EIF1AX: variants seen among roughly 807,000 people sequenced by gnomAD.
EIF1AX encodes the protein eukaryotic translation initiation factor 1A X-linked.
EIF1AX carries 1 observed loss-of-function variant against 16.1 expected under a neutral mutation model. The observed-to-expected ratio is 0.06, with a 90% CI of 0.02 to 0.30. EIF1AX has a LOEUF of 0.30. EIF1AX is among the 10% of genes least tolerant of loss of function. The pLI, the probability that EIF1AX is intolerant of heterozygous loss-of-function variation, is 1.00. For missense variants in EIF1AX, 11 were observed against 109.1 expected (o/e 0.10, Z 4.00); for synonymous variants, 32 against 37.3 (o/e 0.86, Z 0.51).
intron 1 of EIF1AX, chrX:20,139,886 A>G (rs1295416765): frequency 1.8e-5 from 2 of 112,194 alleles, no homozygotes; most frequent in Non-Finnish European, 3.8e-5. Flanking sequence ...GTTCCCAGGT[A>G]TATCATGTTA....
intron 3 of EIF1AX, among the ~76,000 whole-genome samples, chrX:20,134,365 G>A (rs1469149089): frequency 1.9e-5 from 2 of 105,508 alleles, no homozygotes; most frequent in African/African-American, 7.0e-5. Flanking sequence ...TCCAGCCTGG[G>A]CAACAGAGTG....
chrX:20,132,709 G>T (rs1472462657), intron 4 of EIF1AX, among the ~76,000 whole-genome samples: 2 of 111,811 alleles, frequency 1.8e-5, no homozygotes, highest in Non-Finnish European at 3.8e-5. Flanking sequence ...CTTTGCCTAG[G>T]TATCAATCAC....
At chrX:20,141,285 C>T (rs2067033270) in intron 1 of EIF1AX, among the ~76,000 whole-genome samples, 1 of 111,777 alleles carries the variant, frequency 8.9e-6, no homozygotes, top group Non-Finnish European at 1.9e-5. Context: ...CCAAAGGGGC[C>T]TATCTACTAA....
At chrX:20,134,055 C>A (rs2148607840) in intron 3 of EIF1AX, 48 bp from the exon 4 acceptor site, 1 of 1,111,168 alleles carries the variant, frequency 9.0e-7, no homozygotes, top group Non-Finnish European at 1.2e-6. Context: ...AACGAAGAAT[C>A]AAGAAATTCC....
rs1028652091 is a variant in EIF1AX at position 20,141,801 on chromosome X, A to T, written c.-161T>A. ...AGAGGCTGGCGACCCAGCTCTTCAG[A>T]GATCCGCCTGCGTCCACGCTCGGCG... On this transcript the variant is annotated 5_prime_UTR_variant, in exon 1 of 7. Transcript: ENST00000379607. 2 of 497,490 alleles carry T rather than the reference A, an allele frequency of 4.0e-6. No individual in the cohort carries two copies. Among genetic ancestry groups the T allele is most frequent in the African/African-American group, 5.1e-5 (2 of 39,391 alleles). 41.0% of individuals were successfully genotyped at this position (497,490 alleles called of 1,213,427 possible).
At chrX:20,133,560 A>G (rs1232265873) in intron 4 of EIF1AX, among the ~76,000 whole-genome samples, 1 of 109,685 alleles carries the variant, frequency 9.1e-6, no homozygotes. Flanking sequence ...ACAAATAGAG[A>G]TAGTATCATA....
rs753293956 is a variant in EIF1AX at position 20,135,837 on chromosome X, A to G, written c.105T>C (p.Tyr35=). The G allele has an allele frequency of 3.4e-6, 4 of 1,192,991 alleles. No homozygotes were observed. In the East Asian group the frequency reaches 1.2e-4, roughly 35 times the overall value. ...ELVFKEDGQE[Y]AQVIKMLGNG... is the part of the protein sequence containing the mutation. ...TTCCCAACATTTTGATTACCTGAGC[A>G]TACTCTAGCGGGGAGAAAGGAAAAG... Residue 35 remains tyrosine, a synonymous_variant, in exon 3 of 7, where the codon TAT becomes TAC. Transcript: ENST00000379607.
At chrX:20,128,808 TGAG>T (rs1465704739) in intron 6 of EIF1AX, among the ~76,000 whole-genome samples, 1 of 111,985 alleles carries the variant, frequency 8.9e-6, no homozygotes, top group Non-Finnish European at 1.9e-5. Flanking sequence ...GGTCCAGTTC[TGAG>T]GAGGCGTTGG....
chrX:20,133,062 T>C (rs1009121826), intron 4 of EIF1AX, among the ~76,000 whole-genome samples: 2 of 111,616 alleles, frequency 1.8e-5, no homozygotes, highest in African/African-American at 3.3e-5. Context: ...TATCGAGCCA[T>C]TGACCACCCT....
At chrX:20,128,399 C>T (rs978960281) in intron 6 of EIF1AX, 88 bp from the exon 7 acceptor site, 5 of 783,292 alleles carry the variant, frequency 6.4e-6, no homozygotes, top group Non-Finnish European at 7.3e-6. Flanking sequence ...CTTTCACCTC[C>T]TTAGGCTATG....
chrX:20,132,085 C>A, intron 5 of EIF1AX, 97 bp downstream of exon 5: 1 of 621,298 alleles, frequency 1.6e-6, no homozygotes, highest in Admixed American at 3.1e-5. Context: ...AATGTGAGCA[C>A]TAAAGTAAAT....
rs368948088 is a variant in EIF1AX, at chrX:20,141,698, G to A, written c.-58C>T. On this transcript the variant is annotated 5_prime_UTR_variant, in exon 1 of 7. Transcript: ENST00000379607. ...TTCTTTCCGGGTAGCGGCGACCGCGGCGGCTGCTGCTCCGAGGGGCGACAC... is the reference window on the plus strand; with the variant it reads ...TTCTTTCCGGGTAGCGGCGACCGCGACGGCTGCTGCTCCGAGGGGCGACAC... 79 of 1,109,698 alleles carry A rather than the reference G, an allele frequency of 7.1e-5. 2 individuals carry two copies. The highest frequency in any genetic ancestry group is 6.9e-4 in the East Asian group (20 of 28,950). 91.5% of individuals were successfully genotyped at this position (1,109,698 alleles called of 1,213,427 possible).
Position 20,124,734 on chromosome X carries a change from A to G in EIF1AX, c.*3572T>C, listed in dbSNP as rs904525548. 7.1e-6 allele frequency: 1 copy of G among 141,749 alleles called. No individual in the cohort carries two copies. Among genetic ancestry groups the G allele is most frequent in the African/African-American group, 3.1e-5 (1 of 32,169 alleles). The allele number at this position is 141,749 out of a possible 1,213,427, so 11.7% of individuals were successfully genotyped here. A position where few individuals can be genotyped will look rare whatever the true frequency, so the allele number is the denominator to read the frequency against. ...AACTATAATCTTTTTCTAAAGAAAT[A>G]TAGAACAGTTGGTATTTTGTAAAAT... On this transcript the variant is annotated 3_prime_UTR_variant, in exon 7 of 7. Transcript: ENST00000379607.
At position 20,136,770 on chromosome X, in the gene EIF1AX, G is replaced by A. The variant is rs781153494; in HGVS notation, c.101-929C>T. Among the ~76,000 whole-genome samples the A allele has an allele frequency of 1.5e-3, 170 of 111,793 alleles. 1 individual carries two copies. The highest frequency in any genetic ancestry group is 9.2e-3 in the Middle Eastern group (2 of 218). On this transcript the variant is annotated intron_variant, in intron 2 of 6. Transcript: ENST00000379607. ...AACATGGTTGGTCAACTCAAAGGCA[G>A]CCTTTCTTCTGAAGTGAGGGAAAAA...
At chrX:20,140,712 T>C (rs1471427721) in intron 1 of EIF1AX, among the ~76,000 whole-genome samples, 1 of 112,030 alleles carries the variant, frequency 8.9e-6, no homozygotes, top group East Asian at 2.8e-4. Context: ...TGAAGTATGC[T>C]CCTCTCCTGT....
intron 3 of EIF1AX, 136 bp from the exon 4 acceptor site, chrX:20,134,143 C>G: frequency 4.6e-6 from 3 of 647,807 alleles, no homozygotes; most frequent in Non-Finnish European, 7.0e-6. Context: ...TCCCAGCACT[C>G]TGGGAGGCCA....
At chrX:20,132,537 A>G (rs2067004340) in intron 4 of EIF1AX, among the ~76,000 whole-genome samples, 1 of 111,955 alleles carries the variant, frequency 8.9e-6, no homozygotes, top group Non-Finnish European at 1.9e-5. Context: ...CATATTTTAG[A>G]TTATTTAATA....
rs2066995528 is a variant in EIF1AX, at chrX:20,129,768, G to GT, written c.429+747dup. Among the ~76,000 whole-genome samples, 4 of 112,258 alleles carry GT rather than the reference G, an allele frequency of 3.6e-5. No homozygotes were observed. In the South Asian group the frequency reaches 1.5e-3, roughly 41 times the overall value. On this transcript the variant is annotated intron_variant, in intron 6 of 6. Transcript: ENST00000379607. ...TTTGACAAGGCTTTCAGTGTATGTT[G>GT]TAATTCCAATGCTTCATATCAAGCT... is the stretch of plus-strand genomic sequence containing the variant.
intron 5 of EIF1AX, among the ~76,000 whole-genome samples, chrX:20,131,055 C>T (rs1298275320): frequency 8.9e-6 from 1 of 111,818 alleles, no homozygotes; most frequent in Admixed American, 9.5e-5. Context: ...GTAATTTCAG[C>T]AGGACTTTCA....
Sources: allele counts gnomAD v4.1 joint callset (sites outside exome capture counted in the v4.1 genomes callset), GRCh38; gene constraint gnomAD v4.1.1; transcripts MANE v1.5; gene names NCBI Gene and HGNC (gene_info 2026-07-23, HGNC 2026-07-21).